The following ARNT2 variants were observed in gnomAD, a reference collection of about 807,000 sequenced individuals.
The protein encoded by ARNT2 is aryl hydrocarbon receptor nuclear translocator 2.
ARNT2 carries 36 observed loss-of-function variants against 91.7 expected under a neutral mutation model. The ratio of observed to expected loss-of-function variants is 0.39; its 90% CI spans 0.30 to 0.52. The LOEUF (loss-of-function observed/expected upper bound fraction) is 0.52, where lower values mean the gene tolerates loss of function less well. Among genes scored for constraint, ARNT2 ranks in the 20% least tolerant of loss-of-function variants. The pLI is 0.72. For missense variants in ARNT2, 775 were observed against 939.3 expected (o/e 0.83, Z 2.29); for synonymous variants, 365 against 347.1 (o/e 1.05, Z -0.57).
intron 5 of ARNT2, among the ~76,000 whole-genome samples, chr15:80,501,364 TTAAAA>T (rs1481287096): frequency 6.6e-6 from 1 of 152,178 alleles, no homozygotes; most frequent in Non-Finnish European, 1.5e-5. Context: ...CCTCAGCTAA[TTAAAA>T]TAAAGAACAG....
intron 8 of ARNT2, among the ~76,000 whole-genome samples, chr15:80,545,824 T>G (rs1474435057): frequency 1.3e-5 from 2 of 152,184 alleles, no homozygotes; most frequent in South Asian, 2.1e-4. Context: ...GAATATCTGT[T>G]AGTAGCAGCA....
chr15:80,449,000 A>G (rs1355714520), intron 1 of ARNT2, among the ~76,000 whole-genome samples: 3 of 152,280 alleles, frequency 2.0e-5, no homozygotes, highest in East Asian at 1.9e-4. Context: ...AAACAAAACA[A>G]AACAAAACAA....
intron 17 of ARNT2, 47 bp downstream of exon 17, chr15:80,581,451 T>C (rs1898796953): frequency 6.2e-7 from 1 of 1,609,678 alleles, no homozygotes; most frequent in African/African-American, 1.3e-5. Context: ...CCAGCACAAA[T>C]GCTTTCTGAA....
At chr15:80,476,916 T>C (rs754623716) in intron 5 of ARNT2, among the ~76,000 whole-genome samples, 69 of 152,324 alleles carry the variant, frequency 4.5e-4, no homozygotes, top group Non-Finnish European at 8.8e-4. Context: ...CAGGCCCTGA[T>C]GGGAGGTGAT....
At chr15:80,408,675 T>C (rs1199161103) in intron 1 of ARNT2, among the ~76,000 whole-genome samples, 1 of 152,154 alleles carries the variant, frequency 6.6e-6, no homozygotes, top group Non-Finnish European at 1.5e-5. Context: ...CAGCTGGACA[T>C]ACAGTTGAGC....
chr15:80,404,678 GT>G lies in ARNT2; in HGVS notation c.31+133del. 1 of 486,476 alleles carries G rather than the reference GT, an allele frequency of 2.1e-6. No homozygotes were observed. The allele number at this position is 486,476 out of a possible 1,614,324, so 30.1% of individuals were successfully genotyped here. A position where few individuals can be genotyped will look rare whatever the true frequency, so the allele number is the denominator to read the frequency against. On this transcript the variant is annotated intron_variant, in intron 1 of 18. Coordinates refer to ENST00000303329, the MANE Select transcript of ARNT2 (RefSeq NM_014862.4). This position sits in a 1 kb window ranked among gnomAD's most constrained non-coding sequence, Gnocchi z 5.5. Reference sequence around the variant, plus strand: ...CGGCGCGGTGGGTGGTGGAGCGGCTGTCACTACGCGGCAGCCGCAGCATCAG... The same window carrying G: ...CGGCGCGGTGGGTGGTGGAGCGGCTGCACTACGCGGCAGCCGCAGCATCAG...
chr15:80,591,817 C>T lies in ARNT2; in HGVS notation c.2055+113C>T. 2 of 1,518,550 alleles carry T rather than the reference C, an allele frequency of 1.3e-6. No homozygotes were observed. Among genetic ancestry groups the T allele is most frequent in the Non-Finnish European group, 1.8e-6 (2 of 1,126,020 alleles). The allele number at this position is 1,518,550 out of a possible 1,614,324, so 94.1% of individuals were successfully genotyped here. ...GCCCGATAGCCGTCGTGAGTTCTGGCCCAGCCTGGGCTCGAGGGAGTCCAG... is the reference window on the plus strand; with the variant it reads ...GCCCGATAGCCGTCGTGAGTTCTGGTCCAGCCTGGGCTCGAGGGAGTCCAG... On this transcript the variant is annotated intron_variant, in intron 18 of 18. Coordinates refer to ENST00000303329, the MANE Select transcript of ARNT2 (RefSeq NM_014862.4). This position sits in a 1 kb window ranked among gnomAD's most constrained non-coding sequence, Gnocchi z 5.1.
intron 12 of ARNT2, among the ~76,000 whole-genome samples, chr15:80,572,412 A>T (rs1287356468): frequency 1.3e-5 from 2 of 151,822 alleles, no homozygotes. Flanking sequence ...GTTCCTCCCC[A>T]GGAAGCTGGT....
At position 80,480,789 on chromosome 15, in the gene ARNT2, T is replaced by G. The variant is rs527870819; in HGVS notation, c.622+5566T>G. ...TGCCTGCCTGCCTGCCTGCCTTCTTTGCTTCCTTTCTTCTCTCTCTCTCCC... is the reference window on the plus strand; with the variant it reads ...TGCCTGCCTGCCTGCCTGCCTTCTTGGCTTCCTTTCTTCTCTCTCTCTCCC... On this transcript the variant is annotated intron_variant, in intron 5 of 18. Transcript: ENST00000303329. 1.9e-4 allele frequency among the ~76,000 whole-genome samples: 29 copies of G among 152,236 alleles called. No homozygotes were observed. In the South Asian group the frequency reaches 3.9e-3, roughly 21 times the overall value.
chr15:80,587,378 A>G (rs1893192567), intron 17 of ARNT2, among the ~76,000 whole-genome samples: 1 of 151,516 alleles, frequency 6.6e-6, no homozygotes, highest in Non-Finnish European at 1.5e-5. Flanking sequence ...GTGTTTCCAG[A>G]CATTGTCAAA....
In ARNT2 at chr15:80,551,275, G is replaced by A; in HGVS notation, c.954G>A (p.Gln318=). 1.2e-6 allele frequency: 2 copies of A among 1,613,304 alleles called. No individual in the cohort carries two copies. The highest frequency in any genetic ancestry group is 1.7e-6 in the Non-Finnish European group (2 of 1,179,314). ...KYCLVAIGRL[Q]VTSSPVCMDM... ...GCCTCGTGGCAATTGGGAGACTCCA[G>A]GTAAGAAAAAATTCGTAGCCTTTTT... Residue 318 remains glutamine, a splice_region_variant and synonymous_variant, in exon 9 of 19, where the codon CAG becomes CAA. Transcript: ENST00000303329.
At chr15:80,442,131 A>T (rs1455280838) in intron 1 of ARNT2, among the ~76,000 whole-genome samples, 1 of 152,210 alleles carries the variant, frequency 6.6e-6, no homozygotes, top group African/African-American at 2.4e-5. Context: ...AAAGACCAGA[A>T]ATCTCCAGGG....
intron 1 of ARNT2, among the ~76,000 whole-genome samples, chr15:80,445,424 G>A (rs558231583): frequency 1.3e-5 from 2 of 150,408 alleles, no homozygotes; most frequent in East Asian, 3.9e-4. Flanking sequence ...CAGTGGGGAT[G>A]TGTGTGGTGT....
At position 80,508,193 on chromosome 15, in the gene ARNT2, A is replaced by G; in HGVS notation, c.660A>G (p.Lys220=). The G allele has an allele frequency of 6.2e-7, 1 of 1,614,168 alleles. No homozygotes were observed. Among genetic ancestry groups the G allele is most frequent in the Non-Finnish European group, 8.5e-7 (1 of 1,180,004 alleles). ...ILDLKTGTVK[K]EGQQSSMRMC... ...ACCTGAAGACTGGGACGGTCAAGAA[A>G]GAAGGGCAGCAGTCATCCATGAGGA... The change falls in exon 6 of 19, where the codon AAA becomes AAG. Residue 220 remains lysine (K), a synonymous_variant. Transcript: ENST00000303329.
rs531857374 is a variant in ARNT2, at chr15:80,580,734, G to C, written c.1752+185G>C. ...GGGCTCTCGGAGAGCCAGGTGCCCA[G>C]CCTGCAACTTCAGCAGCCTTTTCTC... On this transcript the variant is annotated intron_variant, in intron 16 of 18. Transcript: ENST00000303329. 7.9e-5 allele frequency among the ~76,000 whole-genome samples: 12 copies of C among 152,312 alleles called. No homozygotes were observed. The South Asian group carries it at 1.7e-3, about 21-fold the overall frequency.
rs906136541 is a variant in ARNT2, at chr15:80,404,582, C to T, written c.31+36C>T. The T allele has an allele frequency of 2.8e-6, 3 of 1,061,290 alleles. No homozygotes were observed. The highest frequency in any genetic ancestry group is 3.4e-6 in the Non-Finnish European group (3 of 879,330). The allele number at this position is 1,061,290 out of a possible 1,614,324, so 65.7% of individuals were successfully genotyped here. ...GCCTGGGCCCCGCCGCCCGCCGCAG[C>T]CCGCAGGCCTTGCCCGGGGCCGGAG... On this transcript the variant is annotated intron_variant, in intron 1 of 18. Transcript: ENST00000303329. The surrounding 1 kb of genome is among the most constrained non-coding windows in gnomAD (Gnocchi z 5.5).
chr15:80,427,661 T>G (rs145121529), intron 1 of ARNT2, among the ~76,000 whole-genome samples: 1 of 152,292 alleles, frequency 6.6e-6, no homozygotes, highest in African/African-American at 2.4e-5. Context: ...TCTTGAAAGG[T>G]GTGGGTCATT....
intron 3 of ARNT2, among the ~76,000 whole-genome samples, chr15:80,465,954 G>A (rs908624791): frequency 2.0e-5 from 3 of 152,138 alleles, no homozygotes; most frequent in Non-Finnish European, 2.9e-5. Flanking sequence ...CTGCTTTTCC[G>A]TGGGCTCTCT....
In ARNT2 at chr15:80,445,612, G is replaced by T. The variant is rs140513421; in HGVS notation, c.32-5268G>T. Among the ~76,000 whole-genome samples, 457 of 151,972 alleles carry T rather than the reference G, an allele frequency of 3.0e-3. 4 individuals carry two copies. The highest frequency in any genetic ancestry group is 5.0e-3 in the Non-Finnish European group (342 of 67,928). Reference sequence around the variant, plus strand: ...GTGGGAGACAGGATGGAGGAGGCCGGTGCAGCATGGACTGGGTGCAGGCTC... The same window carrying T: ...GTGGGAGACAGGATGGAGGAGGCCGTTGCAGCATGGACTGGGTGCAGGCTC... On this transcript the variant is annotated intron_variant, in intron 1 of 18. Transcript: ENST00000303329.
Sources: allele counts gnomAD v4.1 joint callset (sites outside exome capture counted in the v4.1 genomes callset), GRCh38; gene constraint gnomAD v4.1.1; non-coding constraint Gnocchi (gnomAD v3.1); transcripts MANE v1.5; gene names NCBI Gene and HGNC (gene_info 2026-07-23, HGNC 2026-07-21).